The following ATG7 variants were observed in gnomAD, a reference collection of about 807,000 sequenced individuals.
ATG7 encodes the protein autophagy related 7, also known as ubiquitin-like modifier-activating enzyme ATG7.
In ATG7, 70 loss-of-function variants were observed where a neutral mutation model predicts 82.4. The observed-to-expected ratio is 0.85, with a 90% CI of 0.70 to 1.04. The LOEUF is 1.04. Ranked by LOEUF, ATG7 falls within the 50% of genes least tolerant of loss-of-function variation. The probability of loss-of-function intolerance (pLI) is 0.00; values close to 1 mark genes in which losing one functional copy is unlikely to be tolerated. For missense variants in ATG7, 792 were observed against 864.3 expected (o/e 0.92, Z 1.05); for synonymous variants, 287 against 313.0 (o/e 0.92, Z 0.88).
chr3:11,493,039 C>G (rs1339069624), intron 20 of ATG7, among the ~76,000 whole-genome samples: 1 of 152,248 alleles, frequency 6.6e-6, no homozygotes, highest in East Asian at 1.9e-4. Flanking sequence ...GTGTGACAGC[C>G]TTTTTGGGTA....
At chr3:11,375,038 TTAAA>T (rs146674421) in intron 18 of ATG7, among the ~76,000 whole-genome samples, 70,605 of 144,400 alleles carry the variant, frequency 0.49, 17,792 homozygotes, top group East Asian at 0.68. Context: ...CTCATCTCTC[TTAAA>T]AAAAAAAAAA....
chr3:11,342,194 C>G lies in ATG7; in HGVS notation c.1040C>G (p.Thr347Ser). 1 of 1,613,552 alleles carries G rather than the reference C, an allele frequency of 6.2e-7. No individual in the cohort carries two copies. The highest frequency in any genetic ancestry group is 8.5e-7 in the Non-Finnish European group (1 of 1,180,006). Residue 347 changes from threonine to serine, a missense_variant, in exon 13 of 21, where the codon ACT becomes AGT. Coordinates refer to ENST00000693202, the MANE Select transcript of ATG7 (RefSeq NM_001349232.2). ...LKLMCWRLVP[T>S]LDLDKVVSVK... ...CTGATGTGTTGGAGATTGGTTCCTA[C>G]TTTAGACTTGGACAAGGTTGTGTCT...
intron 3 of ATG7, among the ~76,000 whole-genome samples, chr3:11,285,104 C>T (rs1343185167): frequency 6.7e-6 from 1 of 149,206 alleles, no homozygotes; most frequent in African/African-American, 2.5e-5. Flanking sequence ...CCCACCTCGG[C>T]CTCCCAGAGT....
chr3:11,456,468 A>AGT (rs910125314), intron 20 of ATG7, among the ~76,000 whole-genome samples: 1 of 152,204 alleles, frequency 6.6e-6, no homozygotes, highest in African/African-American at 2.4e-5. Context: ...TGTTGTATGA[A>AGT]GTACACGTTT....
intron 19 of ATG7, among the ~76,000 whole-genome samples, chr3:11,418,972 C>T (rs577382008): frequency 6.6e-6 from 1 of 152,164 alleles, no homozygotes; most frequent in African/African-American, 2.4e-5. Flanking sequence ...GCCCCTCCCC[C>T]CCGATCCAGT....
chr3:11,453,318 C>T (rs985310234), intron 20 of ATG7, among the ~76,000 whole-genome samples: 1 of 152,140 alleles, frequency 6.6e-6, no homozygotes, highest in Non-Finnish European at 1.5e-5. Context: ...CAAGTAGTTT[C>T]AGAGTAATTC....
At chr3:11,389,699 CT>C (rs2078629545) in intron 19 of ATG7, among the ~76,000 whole-genome samples, 2 of 152,164 alleles carry the variant, frequency 1.3e-5, no homozygotes, top group Non-Finnish European at 2.9e-5. Flanking sequence ...TCAGCAGAGT[CT>C]TGAGTAAAGG....
intron 19 of ATG7, among the ~76,000 whole-genome samples, chr3:11,419,276 G>A (rs1206919897): frequency 3.3e-5 from 5 of 152,190 alleles, no homozygotes; most frequent in African/African-American, 1.2e-4. Flanking sequence ...AAACAAGCTG[G>A]GCATGGTGGC....
At chr3:11,454,467 G>T (rs2085503861) in intron 20 of ATG7, among the ~76,000 whole-genome samples, 1 of 152,204 alleles carries the variant, frequency 6.6e-6, no homozygotes, top group African/African-American at 2.4e-5. Flanking sequence ...TAGTGATTGT[G>T]AGTGGAGAGC....
At chr3:11,305,181 A>T (rs1203123406) in intron 5 of ATG7, among the ~76,000 whole-genome samples, 1 of 152,148 alleles carries the variant, frequency 6.6e-6, no homozygotes. Flanking sequence ...CTTCCCTCTC[A>T]TTATCACTTT....
intron 6 of ATG7, among the ~76,000 whole-genome samples, chr3:11,307,478 T>C (rs766423593): frequency 1.6e-4 from 24 of 152,360 alleles, no homozygotes; most frequent in Middle Eastern, 6.8e-3. Context: ...TCATGTAGTC[T>C]CTGCAGTGTC....
At chr3:11,521,107 A>G (rs2092429343) in intron 20 of ATG7, among the ~76,000 whole-genome samples, 1 of 152,200 alleles carries the variant, frequency 6.6e-6, no homozygotes, top group South Asian at 2.1e-4. Flanking sequence ...GTCTCGCAGC[A>G]ATGCTGAGAC....
intron 20 of ATG7, among the ~76,000 whole-genome samples, chr3:11,503,691 G>A (rs1380463973): frequency 1.4e-5 from 2 of 147,626 alleles, no homozygotes; most frequent in African/African-American, 5.0e-5. Flanking sequence ...AGGAGGCGGA[G>A]GTTGCAGTGA....
rs1051636692 is a variant in ATG7 at position 11,555,092 on chromosome 3, T to A, written c.*249T>A. On this transcript the variant is annotated 3_prime_UTR_variant, in exon 21 of 21. Transcript: ENST00000693202. ...TTGCTATTGACCTGGGACTTGGTCC[T>A]CCATGCAGTTTTTATTTCTTGTCAC... The A allele has an allele frequency of 3.9e-6, 2 of 513,308 alleles. No homozygotes were observed. Among genetic ancestry groups the A allele is most frequent in the Non-Finnish European group, 6.8e-6 (2 of 292,348 alleles). The allele number at this position is 513,308 out of a possible 1,614,324, so 31.8% of individuals were successfully genotyped here. A position where few individuals can be genotyped will look rare whatever the true frequency, so the allele number is the denominator to read the frequency against.
chr3:11,404,132 T>TA (rs1305094817), intron 19 of ATG7, among the ~76,000 whole-genome samples: 2 of 141,026 alleles, frequency 1.4e-5, no homozygotes, highest in East Asian at 4.1e-4. Context: ...TCAATTTTTT[T>TA]TTTTTTTTTT....
chr3:11,409,012 T>G (rs1243870685), intron 19 of ATG7, among the ~76,000 whole-genome samples: 1 of 152,240 alleles, frequency 6.6e-6, no homozygotes, highest in African/African-American at 2.4e-5. Flanking sequence ...TTTTTATTGT[T>G]GTGTTCTAAG....
At chr3:11,540,464 C>T (rs2070721142) in intron 20 of ATG7, among the ~76,000 whole-genome samples, 4 of 109,104 alleles carry the variant, frequency 3.7e-5, no homozygotes, top group African/African-American at 1.5e-4. Context: ...CATGGCAAGA[C>T]CCTATCTCTA....
intron 5 of ATG7, among the ~76,000 whole-genome samples, chr3:11,300,663 T>C (rs751588262): frequency 2.0e-5 from 3 of 152,208 alleles, no homozygotes; most frequent in Non-Finnish European, 2.9e-5. Flanking sequence ...CTCCAACTTA[T>C]GGTGGTTTAA....
At chr3:11,471,588 C>T (rs2087525206) in intron 20 of ATG7, among the ~76,000 whole-genome samples, 1 of 150,890 alleles carries the variant, frequency 6.6e-6, no homozygotes, top group Non-Finnish European at 1.5e-5. Flanking sequence ...ATTAGAAAGT[C>T]TCCTTTCACT....
Sources: allele counts gnomAD v4.1 joint callset (sites outside exome capture counted in the v4.1 genomes callset), GRCh38; gene constraint gnomAD v4.1.1; transcripts MANE v1.5; gene names NCBI Gene and HGNC (gene_info 2026-07-23, HGNC 2026-07-21).